The following TENT5D variants were observed in gnomAD, a reference collection of about 807,000 sequenced individuals.
TENT5D encodes the protein terminal nucleotidyltransferase 5D, also known as cancer/testis antigen 112.
For missense variants in TENT5D, 191 were observed against 287.0 expected, an observed-to-expected ratio of 0.67 and a Z score of 2.42; for synonymous variants, 103 against 100.6, an observed-to-expected ratio of 1.02 and a Z score of -0.15.
At chrX:80,383,633 G>A (rs889836801) in intron 3 of TENT5D, among the ~76,000 whole-genome samples, 3 of 112,005 alleles carry the variant, frequency 2.7e-5, no homozygotes, top group Non-Finnish European at 5.6e-5. Flanking sequence ...GAGGCAGGCA[G>A]ATCACAAGGT....
intron 3 of TENT5D, among the ~76,000 whole-genome samples, chrX:80,369,657 T>TA (rs1422418531): frequency 8.9e-6 from 1 of 112,141 alleles, no homozygotes; most frequent in Non-Finnish European, 1.9e-5. Flanking sequence ...CTATATTTTT[T>TA]AAAAAATAAA....
intron 1 of TENT5D, among the ~76,000 whole-genome samples, chrX:80,434,207 TA>T (rs369574399): frequency 0.013 from 1,082 of 84,891 alleles, 19 homozygotes; most frequent in African/African-American, 0.037. Flanking sequence ...GATCATAAAG[TA>T]AAAAAAAAAA....
At chrX:80,374,693 A>C (rs1417979580) in intron 3 of TENT5D, among the ~76,000 whole-genome samples, 2 of 111,397 alleles carry the variant, frequency 1.8e-5, no homozygotes, top group Non-Finnish European at 3.8e-5. Context: ...TTAATGGTTC[A>C]CTTTCATACT....
At chrX:80,377,333 C>A (rs1184249732) in intron 3 of TENT5D, among the ~76,000 whole-genome samples, 1 of 110,873 alleles carries the variant, frequency 9.0e-6, no homozygotes, top group Non-Finnish European at 1.9e-5. Context: ...TTTGCTGCAC[C>A]CATTAACTCA....
Position 80,343,855 on chromosome X carries a change from T to C in TENT5D, c.-142+1291T>C, listed in dbSNP as rs995651830. 6.3e-5 allele frequency among the ~76,000 whole-genome samples: 7 copies of C among 111,451 alleles called. No individual in the cohort carries two copies. In the Admixed American group the frequency reaches 6.7e-4, roughly 11 times the overall value. On this transcript the variant is annotated intron_variant, in intron 3 of 4. Transcript: ENST00000538312. ...TGTGCAGATTTGTTACATGGGTAAA[T>C]AGCAAGTTGCTGGGGTTTGGTATAC...
At chrX:80,354,767 A>G (rs1930250823) in intron 3 of TENT5D, among the ~76,000 whole-genome samples, 1 of 110,864 alleles carries the variant, frequency 9.0e-6, no homozygotes, top group African/African-American at 3.3e-5. Context: ...TTTAGAGTGG[A>G]CAGAGTTCTT....
intron 2 of TENT5D, among the ~76,000 whole-genome samples, chrX:80,341,130 C>A (rs1176845044): frequency 3.6e-5 from 4 of 112,212 alleles, no homozygotes; most frequent in African/African-American, 1.3e-4. Flanking sequence ...CATTTGGAAT[C>A]ATTCATTTGT....
chrX:80,402,262 T>C (rs1009662074), intron 3 of TENT5D, among the ~76,000 whole-genome samples: 1 of 111,942 alleles, frequency 8.9e-6, no homozygotes, highest in Non-Finnish European at 1.9e-5. Context: ...GTTTTATTTC[T>C]GATTTTATTT....
At chrX:80,442,447 T>C (rs1932302515) in intron 2 of TENT5D, 75 bp from the exon 3 acceptor site, 36 of 719,735 alleles carry the variant, frequency 5.0e-5, no homozygotes, top group Non-Finnish European at 6.6e-5. Flanking sequence ...AGTCTATTTT[T>C]AACTTTTTCA....
chrX:80,411,606 A>C (rs1931668538), intron 3 of TENT5D, among the ~76,000 whole-genome samples: 1 of 112,159 alleles, frequency 8.9e-6, no homozygotes, highest in Non-Finnish European at 1.9e-5. Flanking sequence ...AATAACTTTT[A>C]AATAACCTTT....
chrX:80,380,102 A>G (rs1362678367), intron 3 of TENT5D, among the ~76,000 whole-genome samples: 1 of 108,503 alleles, frequency 9.2e-6, no homozygotes, highest in Admixed American at 1.0e-4. Context: ...ATTTAGTGCT[A>G]TAAATTTCCC....
intron 1 of TENT5D, among the ~76,000 whole-genome samples, chrX:80,422,445 C>A (rs1308438363): frequency 8.9e-6 from 1 of 111,931 alleles, no homozygotes; most frequent in Non-Finnish European, 1.9e-5. Flanking sequence ...TACACTCCAG[C>A]CTGGCAACAG....
chrX:80,429,761 A>G (rs1932050438), intron 1 of TENT5D, among the ~76,000 whole-genome samples: 1 of 111,362 alleles, frequency 9.0e-6, no homozygotes, highest in Admixed American at 9.5e-5. Flanking sequence ...CTTTGGTCCC[A>G]TAGCCTGCTT....
intron 3 of TENT5D, among the ~76,000 whole-genome samples, chrX:80,375,097 A>G (rs908521007): frequency 4.5e-5 from 5 of 110,736 alleles, no homozygotes; most frequent in African/African-American, 6.6e-5. Flanking sequence ...TTTCATTGCT[A>G]TTGTCTTGCA....
At chrX:80,367,868 G>A (rs1458030442) in intron 3 of TENT5D, among the ~76,000 whole-genome samples, 1 of 111,446 alleles carries the variant, frequency 9.0e-6, no homozygotes, top group African/African-American at 3.3e-5. Context: ...TTGGAGAGGG[G>A]GAAGTAGTGA....
intron 3 of TENT5D, among the ~76,000 whole-genome samples, chrX:80,344,944 G>A (rs934748246): frequency 1.8e-5 from 2 of 111,164 alleles, no homozygotes; most frequent in Non-Finnish European, 3.8e-5. Context: ...CTCAATGTCA[G>A]TACCTCTTAT....
At chrX:80,399,824 G>A (rs1386818459) in intron 3 of TENT5D, among the ~76,000 whole-genome samples, 1 of 111,610 alleles carries the variant, frequency 9.0e-6, no homozygotes, top group Admixed American at 9.5e-5. Context: ...CAGCCTTTTT[G>A]TGGGGAAACA....
At chrX:80,339,870 T>TAG (rs537860305) in intron 2 of TENT5D, among the ~76,000 whole-genome samples, 61 of 103,756 alleles carry the variant, frequency 5.9e-4, no homozygotes, top group African/African-American at 1.9e-3. Flanking sequence ...TATATATATA[T>TAG]ATAGAGAGAG....
intron 3 of TENT5D, among the ~76,000 whole-genome samples, chrX:80,365,550 G>A (rs962896514): frequency 2.7e-5 from 3 of 111,346 alleles, no homozygotes; most frequent in South Asian, 7.5e-4. Flanking sequence ...TCCATAAAGA[G>A]TAGTTTTAGG....
Sources: allele counts gnomAD v4.1 joint callset (sites outside exome capture counted in the v4.1 genomes callset), GRCh38; gene constraint gnomAD v4.1.1; transcripts MANE v1.5; gene names NCBI Gene and HGNC (gene_info 2026-07-23, HGNC 2026-07-21).